The following ENY2 variants were observed in gnomAD, a reference collection of about 807,000 sequenced individuals.
The protein encoded by ENY2 is transcription and mRNA export factor ENY2.
A neutral mutation model predicts 15.9 loss-of-function variants in ENY2; 4 were observed. The ratio of observed to expected loss-of-function variants is 0.25; its 90% CI spans 0.12 to 0.57. The LOEUF is 0.57. Among genes scored for constraint, ENY2 ranks in the 20% least tolerant of loss-of-function variants. The probability of loss-of-function intolerance (pLI) is 0.91; values close to 1 mark genes in which losing one functional copy is unlikely to be tolerated. For missense variants in ENY2, 54 were observed against 117.2 expected (o/e 0.46, Z 2.49); for synonymous variants, 48 against 38.0 (o/e 1.26, Z -0.97).
Position 109,334,406 on chromosome 8 carries a change from G to A in ENY2, c.-63G>A. 1 of 1,612,614 alleles carries A rather than the reference G, an allele frequency of 6.2e-7. No individual in the cohort carries two copies. The highest frequency in any genetic ancestry group is 8.5e-7 in the Non-Finnish European group (1 of 1,179,252). On this transcript the variant is annotated 5_prime_UTR_variant, in exon 1 of 5. Coordinates refer to ENST00000521688, the MANE Select transcript of ENY2 (RefSeq NM_020189.6). The stretch of plus-strand genomic sequence containing the variant: ...GTCCGGGCAGCCGAAGAGTGTGGTA[G>A]GTAACGGTCCTCAGCGCAAGGGTCA...
intron 4 of ENY2, among the ~76,000 whole-genome samples, chr8:109,341,607 C>A (rs1563692838): frequency 2.6e-5 from 4 of 152,092 alleles, no homozygotes; most frequent in South Asian, 4.2e-4. Flanking sequence ...GCTTCTCCTT[C>A]GATACTTAAA....
At chr8:109,342,514 CTTTT>C (rs11316616) in intron 4 of ENY2, among the ~76,000 whole-genome samples, 1 of 139,534 alleles carries the variant, frequency 7.2e-6, no homozygotes. Context: ...TATATATACC[CTTTT>C]TTTTTTTTTG....
At chr8:109,339,620 A>G in intron 3 of ENY2, 2 of 435,938 alleles carry the variant, frequency 4.6e-6, no homozygotes, top group Non-Finnish European at 8.1e-6. Context: ...CTGGCATCAG[A>G]ATATGGAATC....
chr8:109,338,463 T>A (rs1224152399), intron 2 of ENY2: 2 of 152,140 alleles, frequency 1.3e-5, no homozygotes, highest in Non-Finnish European at 2.9e-5. Flanking sequence ...AAGTTGGATT[T>A]TGGCCCTATT....
At position 109,343,433 on chromosome 8, in the gene ENY2, G is replaced by A. The variant is rs1311104016; in HGVS notation, c.258G>A (p.Glu86=). 1 of 1,612,430 alleles carries A rather than the reference G, an allele frequency of 6.2e-7. No homozygotes were observed. Among genetic ancestry groups the A allele is most frequent in the African/African-American group, 1.3e-5 (1 of 74,922 alleles). The change falls in exon 5 of 5, where the codon GAG becomes GAA. Residue 86 remains glutamate, a synonymous_variant. Coordinates refer to ENST00000521688, the MANE Select transcript of ENY2 (RefSeq NM_020189.6). ...TGGTACCTGACAGTGTAAAGAAGGA[G>A]CTCCTACAAAGAATAAGAACATTCC... is the stretch of plus-strand genomic sequence containing the variant. The part of the protein sequence containing the change: ...RALVPDSVKK[E]LLQRIRTFLA...
rs1815903140 is a variant in ENY2, at chr8:109,334,388, C to T, written c.-81C>T. On this transcript the variant is annotated 5_prime_UTR_variant, in exon 1 of 5. Transcript: ENST00000521688. ...GAGCTACTGAGGGTCTAAGTCCGGGCAGCCGAAGAGTGTGGTAGGTAACGG... is the reference window on the plus strand; with the variant it reads ...GAGCTACTGAGGGTCTAAGTCCGGGTAGCCGAAGAGTGTGGTAGGTAACGG... 2 of 1,602,816 alleles carry T rather than the reference C, an allele frequency of 1.2e-6. No individual in the cohort carries two copies. Among genetic ancestry groups the T allele is most frequent in the South Asian group, 1.1e-5 (1 of 90,064 alleles).
chr8:109,335,369 T>G (rs1815944283), intron 1 of ENY2: 2 of 150,414 alleles, frequency 1.3e-5, no homozygotes, highest in African/African-American at 4.9e-5. Context: ...ATTAATTTTT[T>G]TTTTTTTTTT....
Position 109,334,480 on chromosome 8 carries a change from C to A in ENY2, c.6+6C>A. ...CCTCGCCCGCGGTGATGGTGGTGAG[C>A]TATGCCCGTGGTCCTCAGGGCCGGG... On this transcript the variant is annotated splice_donor_region_variant and intron_variant, in intron 1 of 4. Coordinates refer to ENST00000521688, the MANE Select transcript of ENY2 (RefSeq NM_020189.6). 2 of 1,613,442 alleles carry A rather than the reference C, an allele frequency of 1.2e-6. No individual in the cohort carries two copies. The highest frequency in any genetic ancestry group is 1.7e-6 in the Non-Finnish European group (2 of 1,179,778).
At chr8:109,343,248 C>T (rs989566805) in intron 4 of ENY2, among the ~76,000 whole-genome samples, 157 bp from the exon 5 acceptor site, 1 of 151,408 alleles carries the variant, frequency 6.6e-6, no homozygotes, top group Non-Finnish European at 1.5e-5. Flanking sequence ...CAAGAAGACA[C>T]TTTTCTTTGT....
In ENY2 at chr8:109,342,719, G is replaced by A. The variant is rs1317611604; in HGVS notation, c.230-686G>A. The A allele has an allele frequency of 4.3e-6, 3 of 697,848 alleles. No individual in the cohort carries two copies. The East Asian group carries it at 8.1e-5, about 19-fold the overall frequency. 43.2% of individuals were successfully genotyped at this position (697,848 alleles called of 1,614,324 possible). On this transcript the variant is annotated intron_variant, in intron 4 of 4. Coordinates refer to ENST00000521688, the MANE Select transcript of ENY2 (RefSeq NM_020189.6). Reference sequence around the variant, plus strand: ...AGGTTTCGCCATGTTGCCCAGGCTGGTCTTGAGCTCCCGGACTCAGGCAAT... The same window carrying A: ...AGGTTTCGCCATGTTGCCCAGGCTGATCTTGAGCTCCCGGACTCAGGCAAT...
chr8:109,341,715 T>C (rs1359835398), intron 4 of ENY2, among the ~76,000 whole-genome samples: 1 of 152,214 alleles, frequency 6.6e-6, no homozygotes, highest in Non-Finnish European at 1.5e-5. Flanking sequence ...CTTAGTCTTC[T>C]TACTGTTGTT....
chr8:109,342,727 C>G (rs1218114485), intron 4 of ENY2: 5 of 697,938 alleles, frequency 7.2e-6, no homozygotes, highest in Non-Finnish European at 1.3e-5. Flanking sequence ...TGGTCTTGAG[C>G]TCCCGGACTC....
rs890236712 is a variant in ENY2, at chr8:109,336,440, G to A, written c.83+236G>A. On this transcript the variant is annotated intron_variant, in intron 2 of 4. Coordinates refer to ENST00000521688, the MANE Select transcript of ENY2 (RefSeq NM_020189.6). ...ATGGCTCTTAAAGAGTAATTTGATGGAGAAGAAAAAGTACATACCTGAATT... is the reference window on the plus strand; with the variant it reads ...ATGGCTCTTAAAGAGTAATTTGATGAAGAAGAAAAAGTACATACCTGAATT... 19 of 423,004 alleles carry A rather than the reference G, an allele frequency of 4.5e-5. No individual in the cohort carries two copies. In the Admixed American group the frequency reaches 6.4e-4, roughly 14 times the overall value. The allele number at this position is 423,004 out of a possible 1,614,324, so 26.2% of individuals were successfully genotyped here.
intron 2 of ENY2, among the ~76,000 whole-genome samples, chr8:109,337,357 T>G (rs77307202): frequency 3.7e-5 from 1 of 26,782 alleles, no homozygotes; most frequent in South Asian, 1.5e-3. Flanking sequence ...TGTATGTTGT[T>G]TTTTTTTTTT....
chr8:109,337,968 C>T (rs1816027553), intron 2 of ENY2, among the ~76,000 whole-genome samples: 1 of 151,028 alleles, frequency 6.6e-6, no homozygotes, highest in South Asian at 2.1e-4. Flanking sequence ...TAGGAGCTTG[C>T]CTTTCATTTT....
rs986759421 is a variant in ENY2 at position 109,340,123 on chromosome 8, A to T, written c.155-366A>T. On this transcript the variant is annotated intron_variant, in intron 3 of 4. Transcript: ENST00000521688. ...GAAGTGGGAAAATGCCTAGCCCATT[A>T]GATCATCGTGAATATTAAATGTTGT... Among the ~76,000 whole-genome samples, 3 of 152,302 alleles carry T rather than the reference A, an allele frequency of 2.0e-5. No individual in the cohort carries two copies. The South Asian group carries it at 6.2e-4, about 32-fold the overall frequency.
chr8:109,343,351 C>G, intron 4 of ENY2, 54 bp from the exon 5 acceptor site: 1 of 1,376,400 alleles, frequency 7.3e-7, no homozygotes. Context: ...ATCTTAAATT[C>G]TCATGTATTA....
At chr8:109,341,701 T>C (rs959503283) in intron 4 of ENY2, among the ~76,000 whole-genome samples, 4 of 152,188 alleles carry the variant, frequency 2.6e-5, no homozygotes, top group Non-Finnish European at 4.4e-5. Context: ...TTTTAATTTA[T>C]GTTCTTAGTC....
In ENY2 at chr8:109,343,746, A is replaced by G; in HGVS notation, c.*265A>G. The G allele has an allele frequency of 5.2e-6, 2 of 382,800 alleles. No homozygotes were observed. The highest frequency in any genetic ancestry group is 2.1e-5 in the African/African-American group (1 of 47,468). 23.7% of individuals were successfully genotyped at this position (382,800 alleles called of 1,614,324 possible). ...ACCAAATTTGTTGAGCGCAAAAGCA[A>G]TTAATGTAGTTTAAGTATTTAGTAT... On this transcript the variant is annotated 3_prime_UTR_variant, in exon 5 of 5. Coordinates refer to ENST00000521688, the MANE Select transcript of ENY2 (RefSeq NM_020189.6).
Sources: gnomAD v4.1 joint callset for allele counts (sites outside exome capture counted in the v4.1 genomes callset) on GRCh38, gnomAD v4.1.1 for gene constraint, MANE v1.5 for transcripts, NCBI Gene and HGNC (gene_info 2026-07-23, HGNC 2026-07-21) for gene names.